VAT1L: variants seen among roughly 807,000 people sequenced by gnomAD.
The protein encoded by VAT1L is putative NADPH-dependent quinone oxidoreductase VAT1L.
VAT1L carries 34 observed loss-of-function variants against 44.1 expected under a neutral mutation model. The ratio of observed to expected loss-of-function variants is 0.77; its 90% CI spans 0.59 to 1.03. The LOEUF (loss-of-function observed/expected upper bound fraction) is 1.03, where lower values mean the gene tolerates loss of function less well. Ranked by LOEUF, VAT1L falls within the 50% of genes least tolerant of loss-of-function variation. VAT1L has a pLI of 0.00. For missense variants in VAT1L, 615 were observed against 538.8 expected (o/e 1.14, Z -1.40); for synonymous variants, 253 against 202.2 (o/e 1.25, Z -2.13).
intron 7 of VAT1L, among the ~76,000 whole-genome samples, chr16:77,925,680 C>T (rs767156905): frequency 1.8e-4 from 27 of 152,094 alleles, no homozygotes; most frequent in South Asian, 2.1e-4. Flanking sequence ...GCTTTTCCCT[C>T]GTTCTGCAGA....
At chr16:77,925,207 T>C (rs1415613394) in intron 7 of VAT1L, among the ~76,000 whole-genome samples, 1 of 152,128 alleles carries the variant, frequency 6.6e-6, no homozygotes, top group East Asian at 1.9e-4. Context: ...GCACTCACTC[T>C]CAGGTTCACG....
intron 4 of VAT1L, 96 bp from the exon 5 acceptor site, chr16:77,876,274 T>A: frequency 1.8e-6 from 2 of 1,115,084 alleles, no homozygotes; most frequent in Non-Finnish European, 2.7e-6. Flanking sequence ...GGTTCCTAAT[T>A]CTGAGAGTCA....
intron 1 of VAT1L, among the ~76,000 whole-genome samples, chr16:77,814,817 T>A (rs1451434705): frequency 6.6e-6 from 1 of 152,260 alleles, no homozygotes; most frequent in Non-Finnish European, 1.5e-5. Context: ...TTTTTCCATG[T>A]CAGCTGTGAA....
intron 1 of VAT1L, among the ~76,000 whole-genome samples, chr16:77,795,813 C>CTTTTTTT (rs56725954): frequency 5.6e-4 from 56 of 100,582 alleles, no homozygotes; most frequent in East Asian, 1.9e-3. Context: ...CCTTTTTTCT[C>CTTTTTTT]TTTTTTTTTT....
At chr16:77,873,990 G>C (rs1289847029) in intron 4 of VAT1L, among the ~76,000 whole-genome samples, 1 of 152,068 alleles carries the variant, frequency 6.6e-6, no homozygotes, top group Non-Finnish European at 1.5e-5. Context: ...TGCAGAACCA[G>C]AGTCCAGCGG....
intron 3 of VAT1L, among the ~76,000 whole-genome samples, chr16:77,848,722 C>T (rs1453546960): frequency 6.6e-6 from 1 of 152,184 alleles, no homozygotes; most frequent in African/African-American, 2.4e-5. Flanking sequence ...TAGAACATGC[C>T]ACCTCATGTT....
In VAT1L at chr16:77,884,834, C is replaced by G. The variant is rs367586862; in HGVS notation, c.1077+32C>G. 1.1e-4 allele frequency: 161 copies of G among 1,438,954 alleles called. No homozygotes were observed. The highest frequency in any genetic ancestry group is 2.0e-5 in the Non-Finnish European group (22 of 1,094,506). The allele number at this position is 1,438,954 out of a possible 1,614,324, so 89.1% of individuals were successfully genotyped here. A position where few individuals can be genotyped will look rare whatever the true frequency, so the allele number is the denominator to read the frequency against. ...ATGGTGCTTTTCTTCTGCAAATAAA[C>G]TCCTCTTTTTAACTCAGGAAGGTTT... is the stretch of plus-strand genomic sequence containing the variant. On this transcript the variant is annotated intron_variant, in intron 7 of 8. Coordinates refer to ENST00000302536, the MANE Select transcript of VAT1L (RefSeq NM_020927.3). The surrounding 1 kb of genome is among the most constrained non-coding windows in gnomAD (Gnocchi z 4.5).
intron 2 of VAT1L, among the ~76,000 whole-genome samples, chr16:77,821,371 G>C (rs1378320692): frequency 6.6e-6 from 1 of 150,652 alleles, no homozygotes; most frequent in East Asian, 2.0e-4. Flanking sequence ...CATGATCTCA[G>C]CTCACCACAA....
chr16:77,966,548 C>A (rs994920672), intron 7 of VAT1L, among the ~76,000 whole-genome samples: 1 of 152,086 alleles, frequency 6.6e-6, no homozygotes, highest in African/African-American at 2.4e-5. Flanking sequence ...AGCAATAAAG[C>A]CAGAAAAGGC....
intron 3 of VAT1L, among the ~76,000 whole-genome samples, chr16:77,843,452 C>G (rs1296745839): frequency 6.6e-6 from 1 of 152,182 alleles, no homozygotes; most frequent in East Asian, 1.9e-4. Flanking sequence ...TTTTATCTGG[C>G]AAACCTTACT....
intron 3 of VAT1L, among the ~76,000 whole-genome samples, chr16:77,831,405 T>C (rs969471835): frequency 7.2e-5 from 11 of 152,168 alleles, no homozygotes; most frequent in African/African-American, 1.7e-4. Flanking sequence ...TAAATGTTTA[T>C]TGAATTACTC....
chr16:77,908,464 C>CAAAAAAA (rs11418351), intron 7 of VAT1L, among the ~76,000 whole-genome samples: 1 of 39,374 alleles, frequency 2.5e-5, no homozygotes, highest in Non-Finnish European at 4.2e-5. Context: ...GGTTCTGTCT[C>CAAAAAAA]AAAAAAAAAA....
chr16:77,789,564 G>C (rs1358278213), intron 1 of VAT1L, among the ~76,000 whole-genome samples: 3 of 152,126 alleles, frequency 2.0e-5, no homozygotes, highest in Non-Finnish European at 2.9e-5. Context: ...TTCCTTCCCC[G>C]TAGCCTGACG....
Position 77,876,374 on chromosome 16 carries a change from T to C in VAT1L, c.727T>C (p.Ser243Pro), listed in dbSNP as rs1326402267. The C allele has an allele frequency of 6.2e-7, 1 of 1,614,178 alleles. No homozygotes were observed. The highest frequency in any genetic ancestry group is 1.6e-4 in the Middle Eastern group (1 of 6,062). The stretch of plus-strand genomic sequence containing the variant: ...CTTTGCCTTCTCACCATTTAGAATC[T>C]CTGCTGAAGGTGTGGACATCGTTTT... ...ADYVQEVKRI[S>P]AEGVDIVLDC... The change falls in exon 5 of 9, where the codon TCT becomes CCT. Residue 243 changes from serine (S) to proline (P), a missense_variant. Transcript: ENST00000302536.
At chr16:77,857,836 C>CTTT (rs5818094) in intron 3 of VAT1L, among the ~76,000 whole-genome samples, 1 of 143,502 alleles carries the variant, frequency 7.0e-6, no homozygotes. Flanking sequence ...TTATCTCTCT[C>CTTT]TTTTTTTTTT....
chr16:77,804,444 T>G (rs111879297), intron 1 of VAT1L, among the ~76,000 whole-genome samples: 1 of 152,206 alleles, frequency 6.6e-6, no homozygotes, highest in East Asian at 1.9e-4. Context: ...GTCTCCTGGC[T>G]GTTTTGTTCT....
chr16:77,811,722 C>T (rs887762088), intron 1 of VAT1L, among the ~76,000 whole-genome samples: 3 of 152,124 alleles, frequency 2.0e-5, no homozygotes, highest in Non-Finnish European at 2.9e-5. Flanking sequence ...AATAAAGGCA[C>T]CTAACCATCT....
At chr16:77,815,361 T>C (rs917038243) in intron 1 of VAT1L, among the ~76,000 whole-genome samples, 4 of 152,218 alleles carry the variant, frequency 2.6e-5, no homozygotes, top group Non-Finnish European at 5.9e-5. Flanking sequence ...GTCCCTGCTA[T>C]ATTACTTTGG....
intron 3 of VAT1L, among the ~76,000 whole-genome samples, chr16:77,829,546 G>A (rs1417856312): frequency 6.6e-6 from 1 of 152,158 alleles, no homozygotes; most frequent in East Asian, 1.9e-4. Flanking sequence ...TCATATCTTT[G>A]AGGACATTGT....
Sources: allele counts gnomAD v4.1 joint callset (sites outside exome capture counted in the v4.1 genomes callset), GRCh38; gene constraint gnomAD v4.1.1; non-coding constraint Gnocchi (gnomAD v3.1); transcripts MANE v1.5; gene names NCBI Gene and HGNC (gene_info 2026-07-23, HGNC 2026-07-21).